DLG2: variants seen among roughly 807,000 people sequenced by gnomAD.
The protein encoded by DLG2 is disks large homolog 2.
Under a neutral mutation model 132.5 loss-of-function variants are expected in DLG2, and 45 were observed. The observed-to-expected ratio is 0.34, with a 90% CI of 0.27 to 0.44. The LOEUF (loss-of-function observed/expected upper bound fraction) is 0.44. Among genes scored for constraint, DLG2 ranks in the 20% least tolerant of loss-of-function variants. The probability of loss-of-function intolerance (pLI) is 1.00; values close to 1 mark genes in which losing one functional copy is unlikely to be tolerated. For missense variants in DLG2, 1,045 were observed against 1,196.9 expected, an observed-to-expected ratio of 0.87 and a Z score of 1.87; for synonymous variants, 424 against 419.6, an observed-to-expected ratio of 1.01 and a Z score of -0.13.
chr11:84,453,889 A>G (rs1427139043), intron 7 of DLG2, among the ~76,000 whole-genome samples: 1 of 151,610 alleles, frequency 6.6e-6, no homozygotes, highest in Non-Finnish European at 1.5e-5. Context: ...TGAACCTGTT[A>G]GCTATGTTGA....
At chr11:84,962,770 A>T (rs979746523) in intron 6 of DLG2, among the ~76,000 whole-genome samples, 1 of 152,240 alleles carries the variant, frequency 6.6e-6, no homozygotes, top group East Asian at 1.9e-4. Context: ...AGTAGTAGTG[A>T]TAAGTTGAAA....
At chr11:85,126,844 C>T (rs769330486) in intron 5 of DLG2, among the ~76,000 whole-genome samples, 1 of 152,190 alleles carries the variant, frequency 6.6e-6, no homozygotes. Flanking sequence ...TCACCGAATT[C>T]TTAAAACAAC....
At chr11:83,742,210 AACACACAC>A (rs67195725) in intron 18 of DLG2, among the ~76,000 whole-genome samples, 26 of 147,104 alleles carry the variant, frequency 1.8e-4, no homozygotes, top group South Asian at 6.6e-4. Flanking sequence ...CCACACTTTT[AACACACAC>A]ACACACACAC....
At chr11:84,510,065 A>T (rs1311971124) in intron 7 of DLG2, among the ~76,000 whole-genome samples, 1 of 150,690 alleles carries the variant, frequency 6.6e-6, no homozygotes, top group Non-Finnish European at 1.5e-5. Flanking sequence ...ATGAAATCTT[A>T]AAAACAATCA....
intron 6 of DLG2, among the ~76,000 whole-genome samples, chr11:85,037,414 T>C (rs1442959154): frequency 1.3e-5 from 2 of 152,192 alleles, no homozygotes; most frequent in African/African-American, 2.4e-5. Context: ...GGGTTCTAGG[T>C]ATTAAATAAT....
intron 6 of DLG2, among the ~76,000 whole-genome samples, chr11:84,736,427 T>G (rs902257797): frequency 1.3e-5 from 2 of 151,926 alleles, no homozygotes; most frequent in African/African-American, 4.8e-5. Context: ...AAATTTCAAC[T>G]GGAATTTTGA....
intron 18 of DLG2, among the ~76,000 whole-genome samples, chr11:83,654,796 T>A (rs181365284): frequency 2.6e-5 from 4 of 152,354 alleles, no homozygotes; most frequent in Admixed American, 1.3e-4. Context: ...CGAATGAGGT[T>A]ACAGCATGCT....
intron 5 of DLG2, among the ~76,000 whole-genome samples, chr11:85,142,183 C>A (rs777549744): frequency 5.9e-5 from 9 of 151,852 alleles, no homozygotes; most frequent in Non-Finnish European, 1.0e-4. Flanking sequence ...TTTCTCCAAT[C>A]TATTAACACA....
intron 11 of DLG2, among the ~76,000 whole-genome samples, chr11:84,035,846 G>A (rs1032446529): frequency 6.6e-6 from 1 of 152,152 alleles, no homozygotes; most frequent in Non-Finnish European, 1.5e-5. Flanking sequence ...GGTGAGGATA[G>A]ACTAACAGGA....
At chr11:84,457,752 G>GC (rs1408524304) in intron 7 of DLG2, among the ~76,000 whole-genome samples, 1 of 150,808 alleles carries the variant, frequency 6.6e-6, no homozygotes, top group Non-Finnish European at 1.5e-5. Flanking sequence ...TAAAGAGAAA[G>GC]CCTATTGTTA....
In DLG2 at chr11:84,457,668, T is replaced by C. The variant is rs76325352; in HGVS notation, c.519+76902A>G. On this transcript the variant is annotated intron_variant, in intron 7 of 27. Coordinates refer to ENST00000376104, the MANE Select transcript of DLG2 (RefSeq NM_001142699.3). Reference sequence around the variant, plus strand: ...TTAAACAGAGTGCGACCCTGAATGATGTTTCCAGCTGTTTCTGAGAGCAAT... The same window carrying C: ...TTAAACAGAGTGCGACCCTGAATGACGTTTCCAGCTGTTTCTGAGAGCAAT... Among the ~76,000 whole-genome samples the C allele has an allele frequency of 7.5e-4, 114 of 151,062 alleles. No homozygotes were observed. The East Asian group carries it at 0.02, about 26-fold the overall frequency.
chr11:83,673,669 G>A (rs2077212428), intron 18 of DLG2, among the ~76,000 whole-genome samples: 1 of 152,182 alleles, frequency 6.6e-6, no homozygotes, highest in African/African-American at 2.4e-5. Context: ...ACCTAATACA[G>A]TGTCTTGAAC....
chr11:83,891,971 T>C (rs138401249), intron 15 of DLG2, among the ~76,000 whole-genome samples: 177 of 152,304 alleles, frequency 1.2e-3, no homozygotes, highest in Non-Finnish European at 2.0e-3. Context: ...ACAATGGTCA[T>C]GGCAGAGTAA....
chr11:84,677,095 T>C (rs949468387), intron 6 of DLG2, among the ~76,000 whole-genome samples: 8 of 152,058 alleles, frequency 5.3e-5, no homozygotes, highest in Admixed American at 6.6e-5. Flanking sequence ...TGTGAATAAT[T>C]TGACAATACA....
At chr11:83,585,882 T>C (rs1363163923) in intron 19 of DLG2, among the ~76,000 whole-genome samples, 1 of 152,020 alleles carries the variant, frequency 6.6e-6, no homozygotes, top group Non-Finnish European at 1.5e-5. Flanking sequence ...TTATGTGCCA[T>C]GAGGATGGGG....
At chr11:84,274,069 G>A (rs1221660777) in intron 7 of DLG2, among the ~76,000 whole-genome samples, 3 of 152,198 alleles carry the variant, frequency 2.0e-5, no homozygotes, top group African/African-American at 7.2e-5. Flanking sequence ...AGGCTGGAAT[G>A]TGTTAATTCC....
intron 13 of DLG2, among the ~76,000 whole-genome samples, chr11:83,964,936 G>A (rs911282160): frequency 6.6e-6 from 1 of 151,948 alleles, no homozygotes; most frequent in South Asian, 2.1e-4. Flanking sequence ...AGCTACCTCT[G>A]GTCTATTTGC....
chr11:84,122,004 CAAATT>C (rs920996094), intron 9 of DLG2, among the ~76,000 whole-genome samples: 2 of 151,918 alleles, frequency 1.3e-5, no homozygotes, highest in African/African-American at 4.8e-5. Flanking sequence ...TTGGCTTTCT[CAAATT>C]AAAACAATCA....
chr11:84,992,862 T>C (rs1261542525), intron 6 of DLG2, among the ~76,000 whole-genome samples: 2 of 152,200 alleles, frequency 1.3e-5, no homozygotes, highest in African/African-American at 4.8e-5. Flanking sequence ...TGGAAGACAG[T>C]GTTGCAAATC....
Sources: allele counts gnomAD v4.1 joint callset (sites outside exome capture counted in the v4.1 genomes callset), GRCh38; gene constraint gnomAD v4.1.1; transcripts MANE v1.5; gene names NCBI Gene and HGNC (gene_info 2026-07-23, HGNC 2026-07-21).